The following TBL1XR1 variants were observed in gnomAD, a reference collection of about 807,000 sequenced individuals.
The protein encoded by TBL1XR1 is F-box-like/WD repeat-containing protein TBL1XR1.
In TBL1XR1, 5 loss-of-function variants were observed where a neutral mutation model predicts 66.9. The ratio of observed to expected loss-of-function variants is 0.07; its 90% CI spans 0.04 to 0.16. The LOEUF (loss-of-function observed/expected upper bound fraction) is 0.16. Ranked by LOEUF, TBL1XR1 falls within the 10% of genes least tolerant of loss-of-function variation. The pLI, the probability that TBL1XR1 is intolerant of heterozygous loss-of-function variation, is 1.00. For synonymous variants in TBL1XR1, 210 were observed against 206.0 expected (o/e 1.02, Z -0.17); for missense variants, 238 against 623.2 (o/e 0.38, Z 6.58).
intron 1 of TBL1XR1, among the ~76,000 whole-genome samples, chr3:177,180,770 C>G (rs991071931): frequency 6.6e-6 from 1 of 151,524 alleles, no homozygotes; most frequent in African/African-American, 2.4e-5. Flanking sequence ...GAGATTTGCT[C>G]TTGTCACCCA....
At chr3:177,115,207 A>T (rs1726163957) in intron 1 of TBL1XR1, among the ~76,000 whole-genome samples, 1 of 152,006 alleles carries the variant, frequency 6.6e-6, no homozygotes. Flanking sequence ...ATTACTTTTG[A>T]CCTATAGTAT....
At chr3:177,135,854 T>C (rs933824004) in intron 1 of TBL1XR1, among the ~76,000 whole-genome samples, 1 of 151,768 alleles carries the variant, frequency 6.6e-6, no homozygotes, top group Non-Finnish European at 1.5e-5. Flanking sequence ...TTTTAAACCA[T>C]GTAAATAAAA....
chr3:177,128,410 G>A (rs956208365), intron 1 of TBL1XR1, among the ~76,000 whole-genome samples: 2 of 152,098 alleles, frequency 1.3e-5, no homozygotes, highest in Non-Finnish European at 2.9e-5. Flanking sequence ...GTCTTTCTCT[G>A]TCATCCAGGC....
intron 2 of TBL1XR1, among the ~76,000 whole-genome samples, chr3:177,068,243 A>C (rs1050248398): frequency 3.3e-5 from 5 of 152,212 alleles, no homozygotes; most frequent in East Asian, 1.9e-4. Flanking sequence ...AGATCCTCCC[A>C]AAAATTAGAT....
At chr3:177,189,132 C>G (rs953300221) in intron 1 of TBL1XR1, among the ~76,000 whole-genome samples, 2 of 151,940 alleles carry the variant, frequency 1.3e-5, no homozygotes, top group African/African-American at 4.8e-5. Context: ...CGCTTGAACC[C>G]AGGAGGTGGA....
At chr3:177,147,497 C>T (rs1730393312) in intron 1 of TBL1XR1, among the ~76,000 whole-genome samples, 4 of 152,152 alleles carry the variant, frequency 2.6e-5, no homozygotes, top group Admixed American at 2.6e-4. Flanking sequence ...AAAGAAAGTA[C>T]TTATGATTAT....
intron 2 of TBL1XR1, among the ~76,000 whole-genome samples, chr3:177,076,173 T>C (rs1252198307): frequency 6.6e-6 from 1 of 152,096 alleles, no homozygotes; most frequent in Non-Finnish European, 1.5e-5. Context: ...TTTTATAAGG[T>C]CACAATTCTA....
intron 3 of TBL1XR1, among the ~76,000 whole-genome samples, chr3:177,058,304 G>A (rs1221254904): frequency 6.6e-6 from 1 of 152,114 alleles, no homozygotes; most frequent in African/African-American, 2.4e-5. Context: ...TACAGATCCA[G>A]ATTTTAGAAA....
chr3:177,106,294 A>G (rs1724877667), intron 1 of TBL1XR1, among the ~76,000 whole-genome samples: 1 of 152,190 alleles, frequency 6.6e-6, no homozygotes, highest in Non-Finnish European at 1.5e-5. Context: ...GCGCAAATCA[A>G]TGACAATGTT....
At chr3:177,080,006 G>C (rs1031709610) in intron 2 of TBL1XR1, 1 of 152,108 alleles carries the variant, frequency 6.6e-6, no homozygotes, top group Non-Finnish European at 1.5e-5. Context: ...TTAACACTGA[G>C]TGATCCTAAA....
chr3:177,073,678 A>G (rs1417079426), intron 2 of TBL1XR1, among the ~76,000 whole-genome samples: 1 of 152,208 alleles, frequency 6.6e-6, no homozygotes, highest in Non-Finnish European at 1.5e-5. Context: ...CAATATAGAA[A>G]TCCATTAATA....
intron 1 of TBL1XR1, among the ~76,000 whole-genome samples, chr3:177,185,085 T>C (rs1237613117): frequency 2.0e-5 from 3 of 152,158 alleles, no homozygotes; most frequent in African/African-American, 4.8e-5. Flanking sequence ...AATTTTTTTT[T>C]CAAAATGGTA....
At chr3:177,122,170 A>C (rs1456221469) in intron 1 of TBL1XR1, among the ~76,000 whole-genome samples, 1 of 152,082 alleles carries the variant, frequency 6.6e-6, no homozygotes, top group Non-Finnish European at 1.5e-5. Context: ...CATTACTGTC[A>C]AATTTACTTA....
chr3:177,186,935 G>A (rs1037635057), intron 1 of TBL1XR1, among the ~76,000 whole-genome samples: 3 of 152,086 alleles, frequency 2.0e-5, no homozygotes, highest in African/African-American at 7.2e-5. Context: ...GGGAGGCCGA[G>A]GCGGGCGGAT....
chr3:177,173,775 G>GTGTATTACAT (rs1733839154), intron 1 of TBL1XR1, among the ~76,000 whole-genome samples: 1 of 152,136 alleles, frequency 6.6e-6, no homozygotes, highest in South Asian at 2.1e-4. Flanking sequence ...ACCATGGTTA[G>GTGTATTACAT]GTAAGACTGT....
At chr3:177,129,883 G>A (rs919409264) in intron 1 of TBL1XR1, among the ~76,000 whole-genome samples, 3 of 152,058 alleles carry the variant, frequency 2.0e-5, no homozygotes, top group Non-Finnish European at 2.9e-5. Flanking sequence ...AGTGGCTCAC[G>A]CCTGTAATCC....
chr3:177,046,016 A>G (rs780439480), intron 10 of TBL1XR1, 113 bp downstream of exon 10: 3 of 822,892 alleles, frequency 3.6e-6, no homozygotes, highest in Non-Finnish European at 5.7e-6. Flanking sequence ...AAGGACTAGT[A>G]ACAAGACTGA....
chr3:177,035,261 CT>C (rs573557713), intron 12 of TBL1XR1, among the ~76,000 whole-genome samples: 12 of 152,142 alleles, frequency 7.9e-5, no homozygotes, highest in Non-Finnish European at 1.2e-4. Context: ...CCTCTACATA[CT>C]TTCTTTTTCC....
intron 1 of TBL1XR1, among the ~76,000 whole-genome samples, chr3:177,175,203 A>C (rs564584541): frequency 6.6e-6 from 1 of 152,356 alleles, no homozygotes; most frequent in South Asian, 2.1e-4. Flanking sequence ...CTACTTAACA[A>C]ACACAGTTTT....
Sources: allele counts gnomAD v4.1 joint callset (sites outside exome capture counted in the v4.1 genomes callset), GRCh38; gene constraint gnomAD v4.1.1; transcripts MANE v1.5; gene names NCBI Gene and HGNC (gene_info 2026-07-23, HGNC 2026-07-21).